Variants in ZNF683 observed in about 807,000 individuals in gnomAD.
ZNF683 encodes zinc finger protein 683.
Under a neutral mutation model 31.4 loss-of-function variants are expected in ZNF683, and 20 were observed. The observed-to-expected ratio is 0.64, with a 90% CI of 0.45 to 0.93. ZNF683 has a LOEUF of 0.93. Ranked by LOEUF, ZNF683 falls within the 40% of genes least tolerant of loss-of-function variation. The probability of loss-of-function intolerance (pLI) is 0.00; values close to 1 mark genes in which losing one functional copy is unlikely to be tolerated. For synonymous variants in ZNF683, 264 were observed against 267.6 expected (o/e 0.99, Z 0.13); for missense variants, 621 against 637.2 (o/e 0.97, Z 0.27).
At chr1:26,365,267 G>A in intron 3 of ZNF683, 41 bp from the exon 4 acceptor site, 1 of 1,533,558 alleles carries the variant, frequency 6.5e-7, no homozygotes, top group East Asian at 2.4e-5. Context: ...CCACAGTCTG[G>A]GGTGAAGTTC....
chr1:26,368,446 G>T lies in ZNF683; in HGVS notation c.114+12C>A, dbSNP rs751108472. On this transcript the variant is annotated intron_variant, in intron 2 of 5. Coordinates refer to ENST00000349618, the MANE Select transcript of ZNF683 (RefSeq NM_001114759.3). ...GACTACCCACAAAGGTAAGGCTGGG[G>T]TTCTACCTTACCTGGTCACCTCGGA... 5.8e-6 allele frequency: 9 copies of T among 1,565,020 alleles called. No homozygotes were observed. The highest frequency in any genetic ancestry group is 7.8e-6 in the Non-Finnish European group (9 of 1,158,010).
rs534794499 is a variant in ZNF683, at chr1:26,368,518, C to A, written c.54G>T (p.Leu18=). 34 of 1,606,576 alleles carry A rather than the reference C, an allele frequency of 2.1e-5. No individual in the cohort carries two copies. The South Asian group carries it at 3.5e-4, about 16-fold the overall frequency. The change falls in exon 2 of 6, where the codon CTG becomes CTT. Residue 18 remains leucine (L), a synonymous_variant. Coordinates refer to ENST00000349618, the MANE Select transcript of ZNF683 (RefSeq NM_001114759.3). The part of the protein sequence containing the change: ...QLGCCHRPMA[L]GGTGGSLSPS... ...GGGACAGGGAGCCCCCTGTACCTCC[C>A]AGGGCCATGGGCCTATGACAACAAC...
At chr1:26,367,463 TA>T in intron 3 of ZNF683, 129 bp downstream of exon 3, 2 of 1,050,184 alleles carry the variant, frequency 1.9e-6, no homozygotes, top group Non-Finnish European at 2.6e-6. Flanking sequence ...AATGTGGAAG[TA>T]AAGTGTGCCT....
Position 26,362,027 on chromosome 1 carries a change from C to A in ZNF683, c.1144-5G>T. 1 of 1,613,806 alleles carries A rather than the reference C, an allele frequency of 6.2e-7. No homozygotes were observed. Among genetic ancestry groups the A allele is most frequent in the Non-Finnish European group, 8.5e-7 (1 of 1,179,716 alleles). Reference sequence around the variant, plus strand: ...GCTGAAGCGCTTGTGGCACACCTGACGGGAACGAGCACTGGCATCAGCTTT... The same window carrying A: ...GCTGAAGCGCTTGTGGCACACCTGAAGGGAACGAGCACTGGCATCAGCTTT... On this transcript the variant is annotated splice_polypyrimidine_tract_variant and splice_region_variant and intron_variant, in intron 5 of 5. Transcript: ENST00000349618.
At chr1:26,362,904 C>G in intron 5 of ZNF683, 122 bp downstream of exon 5, 1 of 1,336,566 alleles carries the variant, frequency 7.5e-7, no homozygotes, top group Non-Finnish European at 1.0e-6. Context: ...TTTTCACTCC[C>G]CCTTCCCATC....
Position 26,365,144 on chromosome 1 carries a change from C to G in ZNF683, c.402G>C (p.Leu134=). 2 of 1,609,820 alleles carry G rather than the reference C, an allele frequency of 1.2e-6. No individual in the cohort carries two copies. The highest frequency in any genetic ancestry group is 1.7e-6 in the Non-Finnish European group (2 of 1,178,134). The change falls in exon 4 of 6, where the codon CTG becomes CTC. Residue 134 remains leucine, a synonymous_variant. Coordinates refer to ENST00000349618, the MANE Select transcript of ZNF683 (RefSeq NM_001114759.3). ...CGCCAGCTCTTTCTGGCTGTTTTCCCAGCTTGTCCTTGTTCTGTGGGTACT... is the reference window on the plus strand; with the variant it reads ...CGCCAGCTCTTTCTGGCTGTTTTCCGAGCTTGTCCTTGTTCTGTGGGTACT... ...TVKYPQNKDK[L]GKQPERAGEG...
intron 3 of ZNF683, among the ~76,000 whole-genome samples, chr1:26,365,521 C>G (rs1292710569): frequency 6.6e-6 from 1 of 152,166 alleles, no homozygotes; most frequent in East Asian, 1.9e-4. Context: ...AAGGGTGAGG[C>G]TAGATCTGCT....
At chr1:26,366,364 A>AAG in intron 3 of ZNF683, among the ~76,000 whole-genome samples, 1 of 147,930 alleles carries the variant, frequency 6.8e-6, no homozygotes. Context: ...AAAAAAAAAA[A>AAG]AGCAAGTTGT....
At chr1:26,365,282 C>T (rs758910989) in intron 3 of ZNF683, 56 bp from the exon 4 acceptor site, 132 of 1,505,114 alleles carry the variant, frequency 8.8e-5, no homozygotes, top group Non-Finnish European at 1.1e-4. Context: ...AAGTTCTGTC[C>T]GCCATCAAAC....
chr1:26,362,844 G>A (rs1380596057), intron 5 of ZNF683, among the ~76,000 whole-genome samples, 182 bp downstream of exon 5: 5 of 152,080 alleles, frequency 3.3e-5, no homozygotes, highest in African/African-American at 1.2e-4. Context: ...GCAGGCCTTT[G>A]GAGTGACCTT....
At chr1:26,370,493 C>T in intron 1 of ZNF683, 1 of 262,166 alleles carries the variant, frequency 3.8e-6, no homozygotes, top group Non-Finnish European at 5.9e-6. Flanking sequence ...TTCCCCGTCA[C>T]CTCAGGGACC....
Position 26,367,812 on chromosome 1 carries a change from C to T in ZNF683, c.115-15G>A, listed in dbSNP as rs575341255. Reference sequence around the variant, plus strand: ...GCTGAGAAGACCTGGAGGGCAGGGGCAAGGGGCTTGGGGGCTGGTGACTGG... The same window carrying T: ...GCTGAGAAGACCTGGAGGGCAGGGGTAAGGGGCTTGGGGGCTGGTGACTGG... On this transcript the variant is annotated splice_polypyrimidine_tract_variant and intron_variant, in intron 2 of 5. Transcript: ENST00000349618. 2.5e-5 allele frequency: 38 copies of T among 1,550,370 alleles called. No individual in the cohort carries two copies. Among genetic ancestry groups the T allele is most frequent in the Non-Finnish European group, 3.1e-5 (35 of 1,144,006 alleles).
In ZNF683 at chr1:26,366,185, A is replaced by AAAAG. The variant is rs374604617; in HGVS notation, c.320-963_320-960dup. 6.9e-3 allele frequency among the ~76,000 whole-genome samples: 1,053 copies of AAAAG among 151,990 alleles called. 7 individuals carry two copies. Among genetic ancestry groups the AAAAG allele is most frequent in the African/African-American group, 0.015 (601 of 41,406 alleles). ...ACAAAAGCGAAACTCTGTTTCAAAA[A>AAAAG]AAAGAAAGAAAGAAAGAAAGAAAAT... On this transcript the variant is annotated intron_variant, in intron 3 of 5. Coordinates refer to ENST00000349618, the MANE Select transcript of ZNF683 (RefSeq NM_001114759.3).
intron 1 of ZNF683, among the ~76,000 whole-genome samples, chr1:26,371,231 C>T (rs80073646): frequency 0.016 from 2,415 of 152,282 alleles, 37 homozygotes; most frequent in Middle Eastern, 0.048. Context: ...TTTTCCTCCT[C>T]CAAGTCCCAT....
intron 5 of ZNF683, 140 bp from the exon 6 acceptor site, chr1:26,362,162 G>A (rs1274117956): frequency 6.2e-7 from 1 of 1,601,306 alleles, no homozygotes; most frequent in Non-Finnish European, 8.5e-7. Flanking sequence ...ATTTCTTCCT[G>A]GAACCCACGG....
intron 1 of ZNF683, 27 bp from the exon 2 acceptor site, chr1:26,368,612 GC>G: frequency 6.4e-7 from 1 of 1,557,664 alleles, no homozygotes; most frequent in Non-Finnish European, 8.7e-7. Flanking sequence ...TTAGAGGTAA[GC>G]TGTGAAGGTC....
chr1:26,367,506 T>C, intron 3 of ZNF683, 87 bp downstream of exon 3: 2 of 1,348,876 alleles, frequency 1.5e-6, no homozygotes, highest in Non-Finnish European at 2.0e-6. Context: ...CACTGCGTCC[T>C]CTCCACCACC....
At chr1:26,370,648 G>T in intron 1 of ZNF683, 1 of 985,782 alleles carries the variant, frequency 1.0e-6, no homozygotes, top group Non-Finnish European at 1.2e-6. Flanking sequence ...ACCCCCGAAG[G>T]GCTGCTGGCT....
chr1:26,370,176 G>C (rs976126760), intron 1 of ZNF683, among the ~76,000 whole-genome samples: 1 of 152,032 alleles, frequency 6.6e-6, no homozygotes, highest in African/African-American at 2.4e-5. Flanking sequence ...TGCTGAGAGG[G>C]GTCCCTGACT....
Sources: allele counts gnomAD v4.1 joint callset (sites outside exome capture counted in the v4.1 genomes callset), GRCh38; gene constraint gnomAD v4.1.1; transcripts MANE v1.5; gene names NCBI Gene and HGNC (gene_info 2026-07-23, HGNC 2026-07-21).